EHMT1: variants seen among roughly 807,000 people sequenced by gnomAD.
The protein encoded by EHMT1 is euchromatic histone lysine methyltransferase 1, also known as histone-lysine N-methyltransferase EHMT1.
A neutral mutation model predicts 147.2 loss-of-function variants in EHMT1; 15 were observed. The ratio of observed to expected loss-of-function variants is 0.10; its 90% CI spans 0.07 to 0.16. EHMT1 has a LOEUF of 0.16. Ranked by LOEUF, EHMT1 falls within the 10% of genes least tolerant of loss-of-function variation. The pLI, the probability that EHMT1 is intolerant of heterozygous loss-of-function variation, is 1.00. For missense variants in EHMT1, 1,587 were observed against 1,772.4 expected, an observed-to-expected ratio of 0.90 and a Z score of 1.88; for synonymous variants, 795 against 709.6, an observed-to-expected ratio of 1.12 and a Z score of -1.91.
chr9:137,683,820 T>C (rs2134627027), intron 1 of EHMT1, among the ~76,000 whole-genome samples: 1 of 152,286 alleles, frequency 6.6e-6, no homozygotes, highest in South Asian at 2.1e-4. Flanking sequence ...GACACGAGTT[T>C]ATCTTTTCAA....
chr9:137,713,903 T>A (rs192610025), intron 2 of EHMT1, among the ~76,000 whole-genome samples: 1 of 152,202 alleles, frequency 6.6e-6, no homozygotes, highest in Non-Finnish European at 1.5e-5. Context: ...TGGGCAGAGA[T>A]CATGCCATTG....
intron 18 of EHMT1, among the ~76,000 whole-genome samples, chr9:137,805,240 T>C (rs1953847618): frequency 6.6e-6 from 1 of 152,170 alleles, no homozygotes; most frequent in African/African-American, 2.4e-5. Context: ...TCAGTCCACA[T>C]GTGTGTCAGT....
At chr9:137,768,004 A>G (rs755709021) in intron 10 of EHMT1, among the ~76,000 whole-genome samples, 33 of 152,246 alleles carry the variant, frequency 2.2e-4, no homozygotes, top group Non-Finnish European at 4.3e-4. Context: ...TTCCTGTTGT[A>G]TTACAGCTGC....
intron 16 of EHMT1, chr9:137,795,176 C>T (rs1952804999): frequency 6.6e-6 from 1 of 152,128 alleles, no homozygotes; most frequent in Non-Finnish European, 1.5e-5. Flanking sequence ...TATTCCTGGT[C>T]ACAAAAACAT....
intron 25 of EHMT1, chr9:137,834,033 G>A (rs2133144459): frequency 2.2e-6 from 1 of 448,862 alleles, no homozygotes; most frequent in Non-Finnish European, 4.1e-6. Flanking sequence ...TCCTCGGGTG[G>A]GATGGCGCTG....
intron 9 of EHMT1, among the ~76,000 whole-genome samples, chr9:137,762,263 T>TA (rs1405007226): frequency 1.5e-5 from 2 of 135,658 alleles, no homozygotes; most frequent in Non-Finnish European, 3.0e-5. Flanking sequence ...CCAAACTGAT[T>TA]TTTTTTTTTT....
intron 1 of EHMT1, among the ~76,000 whole-genome samples, chr9:137,643,337 GT>G (rs71493685): frequency 0.034 from 3,805 of 111,812 alleles, 149 homozygotes; most frequent in African/African-American, 0.12. Context: ...GTGTATAAAG[GT>G]TTTTTTTTTT....
chr9:137,719,338 G>T (rs540429125), intron 3 of EHMT1, among the ~76,000 whole-genome samples: 39 of 152,298 alleles, frequency 2.6e-4, no homozygotes, highest in African/African-American at 8.9e-4. Context: ...TGGGTGGTGG[G>T]CACACTGTGG....
intron 1 of EHMT1, among the ~76,000 whole-genome samples, chr9:137,678,133 A>T (rs1941564837): frequency 2.0e-5 from 3 of 152,226 alleles, no homozygotes; most frequent in Admixed American, 6.5e-5. Context: ...AAAATAGATT[A>T]AAAACTAGTA....
At chr9:137,806,208 G>T (rs144985509) in intron 18 of EHMT1, among the ~76,000 whole-genome samples, 1 of 150,814 alleles carries the variant, frequency 6.6e-6, no homozygotes, top group Admixed American at 6.6e-5. Context: ...TGATCTGCCC[G>T]CTTTGGCCTC....
chr9:137,700,783 A>G (rs1424368741), intron 1 of EHMT1, among the ~76,000 whole-genome samples: 2 of 152,206 alleles, frequency 1.3e-5, no homozygotes, highest in Non-Finnish European at 2.9e-5. Flanking sequence ...CCTGTGATCA[A>G]TTCTGGCTTT....
intron 12 of EHMT1, 171 bp downstream of exon 12, chr9:137,777,015 G>A (rs929622556): frequency 3.6e-5 from 25 of 687,780 alleles, no homozygotes; most frequent in Non-Finnish European, 5.8e-5. Flanking sequence ...ATTGCCATTT[G>A]TGCATACGTT....
intron 1 of EHMT1, among the ~76,000 whole-genome samples, chr9:137,649,359 C>G (rs935783615): frequency 6.6e-6 from 1 of 152,088 alleles, no homozygotes; most frequent in Non-Finnish European, 1.5e-5. Flanking sequence ...ACTGCGGAGG[C>G]CGAGGCAGGA....
intron 18 of EHMT1, among the ~76,000 whole-genome samples, chr9:137,808,221 GTCCTGCCGGATGACCCACT>G (rs934010409): frequency 1.1e-4 from 17 of 151,916 alleles, no homozygotes; most frequent in African/African-American, 3.2e-4. Context: ...GGCCGCTAGT[GTCCTGCCGGATGACCCACT>G]TCCTGCCGGA....
chr9:137,773,536 A>G (rs1227188703), intron 10 of EHMT1, among the ~76,000 whole-genome samples: 4 of 152,224 alleles, frequency 2.6e-5, no homozygotes, highest in African/African-American at 4.8e-5. Context: ...TTCTGCAGGT[A>G]GACAGGTTGG....
At chr9:137,629,570 T>G (rs151302990) in intron 1 of EHMT1, among the ~76,000 whole-genome samples, 1,807 of 152,204 alleles carry the variant, frequency 0.012, 30 homozygotes, top group African/African-American at 0.041. Flanking sequence ...ATTTTTTGTA[T>G]TTTTAGTAGA....
At chr9:137,816,539 T>C in intron 23 of EHMT1, 1 of 214,078 alleles carries the variant, frequency 4.7e-6, no homozygotes, top group South Asian at 7.1e-5. Flanking sequence ...GGAGTAAGGC[T>C]TGCCCAGCGC....
chr9:137,814,401 C>A lies in EHMT1; in HGVS notation c.3181-30C>A, dbSNP rs558212017. The A allele has an allele frequency of 1.3e-5, 21 of 1,610,312 alleles. No homozygotes were observed. The South Asian group carries it at 2.2e-4, about 17-fold the overall frequency. On this transcript the variant is annotated intron_variant, in intron 21 of 26. Transcript: ENST00000460843. Reference sequence around the variant, plus strand: ...GGGAAATGGAAGGCCTGTGCCTGCACGTCTGACCCCCCGGCGCCTCTCTTC... The same window carrying A: ...GGGAAATGGAAGGCCTGTGCCTGCAAGTCTGACCCCCCGGCGCCTCTCTTC...
At chr9:137,652,898 C>G (rs1280687332) in intron 1 of EHMT1, among the ~76,000 whole-genome samples, 1 of 150,654 alleles carries the variant, frequency 6.6e-6, no homozygotes, top group African/African-American at 2.4e-5. Context: ...GCTAACTTTT[C>G]TGTATTTTTA....
Sources: allele counts gnomAD v4.1 joint callset (sites outside exome capture counted in the v4.1 genomes callset), GRCh38; gene constraint gnomAD v4.1.1; transcripts MANE v1.5; gene names NCBI Gene and HGNC (gene_info 2026-07-23, HGNC 2026-07-21).